Variants in TRIM21 observed in about 807,000 individuals in gnomAD.
TRIM21 encodes the protein tripartite motif containing 21.
A neutral mutation model predicts 36.1 loss-of-function variants in TRIM21; 35 were observed. The observed-to-expected ratio is 0.97, with a 90% confidence interval of 0.74 to 1.28. The LOEUF (loss-of-function observed/expected upper bound fraction) is 1.28. Ranked by LOEUF, TRIM21 falls within the 50% of genes most tolerant of loss-of-function variation. The pLI is 0.00. For missense variants in TRIM21, 635 were observed against 570.7 expected (o/e 1.11, Z -1.15); for synonymous variants, 256 against 211.5 (o/e 1.21, Z -1.83).
Position 4,385,609 on chromosome 11 carries a change from G to T in TRIM21, c.1104C>A (p.His368Gln), listed in dbSNP as rs752319529. 1.9e-6 allele frequency: 3 copies of T among 1,612,978 alleles called. No individual in the cohort carries two copies. The highest frequency in any genetic ancestry group is 2.5e-6 in the Non-Finnish European group (3 of 1,179,500). Residue 368 changes from histidine to glutamine, a missense_variant, in exon 7 of 7, where the codon CAC becomes CAA. By Grantham distance (24) the His-to-Gln change is conservative (BLOSUM62 0). Transcript: ENST00000254436. ...VCRDSVRRKG[H>Q]FLLSSKSGFW... Reference sequence around the variant, plus strand: ...AGCCACTCTTGGAACTAAGCAAAAAGTGCCCCTTCCTGCGCACAGAGTCTC... The same window carrying T: ...AGCCACTCTTGGAACTAAGCAAAAATTGCCCCTTCCTGCGCACAGAGTCTC...
intron 5 of TRIM21, 106 bp downstream of exon 5, chr11:4,386,862 C>G (rs1334798873): frequency 8.4e-7 from 1 of 1,186,324 alleles, no homozygotes; most frequent in Non-Finnish European, 1.2e-6. Flanking sequence ...AATAGGAAGC[C>G]AGATGGGGAA....
intron 1 of TRIM21, among the ~76,000 whole-genome samples, chr11:4,392,558 C>T (rs11824326): frequency 0.059 from 6,506 of 110,904 alleles, 497 homozygotes; most frequent in African/African-American, 0.22. Flanking sequence ...CACGGCGAGA[C>T]TCCCTCTCAA....
At position 4,386,861 on chromosome 11, in the gene TRIM21, C is replaced by A. The variant is rs773713686; in HGVS notation, c.758+107G>T. Reference sequence around the variant, plus strand: ...GAATGAAGTTTTTGAGAATAGGAAGCCAGATGGGGAAAACTTCAGTGCATG... The same window carrying A: ...GAATGAAGTTTTTGAGAATAGGAAGACAGATGGGGAAAACTTCAGTGCATG... On this transcript the variant is annotated intron_variant, in intron 5 of 6. Transcript: ENST00000254436. 13 of 1,168,988 alleles carry A rather than the reference C, an allele frequency of 1.1e-5. 1 individual carries two copies. Among genetic ancestry groups the A allele is most frequent in the South Asian group, 4.4e-5 (3 of 68,170 alleles). 72.4% of individuals were successfully genotyped at this position (1,168,988 alleles called of 1,614,324 possible). A position where few individuals can be genotyped will look rare whatever the true frequency, so the allele number is the denominator to read the frequency against.
At chr11:4,387,234 C>T (rs569773778) in intron 4 of TRIM21, among the ~76,000 whole-genome samples, 2 of 147,570 alleles carry the variant, frequency 1.4e-5, no homozygotes, top group South Asian at 4.3e-4. Context: ...AGTTTCAGGA[C>T]TCTGACTCAA....
Position 4,385,685 on chromosome 11 carries a change from T to G in TRIM21, c.1028A>C (p.Tyr343Ser). The G allele has an allele frequency of 6.2e-7, 1 of 1,613,390 alleles. No individual in the cohort carries two copies. Among genetic ancestry groups the G allele is most frequent in the Non-Finnish European group, 8.5e-7 (1 of 1,179,642 alleles). Reference protein sequence around the residue: ...GAQHFHSGKHYWEVDVTGKEA... With the variant: ...GAQHFHSGKHSWEVDVTGKEA... Reference sequence around the variant, plus strand: ...CTTTCCTGTCACATCTACCTCCCAGTAATGTTTTCCAGAGTGAAAGTGCTG... The same window carrying G: ...CTTTCCTGTCACATCTACCTCCCAGGAATGTTTTCCAGAGTGAAAGTGCTG... The change falls in exon 7 of 7, where the codon TAC (tyrosine) becomes TCC (serine). Residue 343 changes from tyrosine (Y) to serine (S), a missense_variant. Physicochemically the swap from Tyr to Ser is moderately radical, Grantham distance 144. Coordinates refer to ENST00000254436, the MANE Select transcript of TRIM21 (RefSeq NM_003141.4).
chr11:4,387,642 G>T (rs1250951274), intron 4 of TRIM21, among the ~76,000 whole-genome samples: 1 of 152,078 alleles, frequency 6.6e-6, no homozygotes, highest in Non-Finnish European at 1.5e-5. Flanking sequence ...GATCACCTAC[G>T]GTTGGGAGTT....
chr11:4,390,368 G>A lies in TRIM21; in HGVS notation c.42C>T (p.Val14=), dbSNP rs778239057. ...AARLTMMWEE[V]TCPICLDPFV... ...AGGGGTCCAGGCAGATAGGGCATGT[G>A]ACCTCCTCCCACATCATTGTCAAGC... Residue 14 remains valine (V), a synonymous_variant, in exon 2 of 7, where the codon GTC becomes GTT. Transcript: ENST00000254436. 1.9e-6 allele frequency: 3 copies of A among 1,613,024 alleles called. No individual in the cohort carries two copies. The highest frequency in any genetic ancestry group is 2.5e-6 in the Non-Finnish European group (3 of 1,179,216).
Position 4,390,115 on chromosome 11 carries a change from G to A in TRIM21, c.295C>T (p.Leu99Phe), listed in dbSNP as rs2094961234. The change falls in exon 2 of 7, where the codon CTT (leucine) becomes TTT (phenylalanine). Residue 99 changes from leucine (L) to phenylalanine (F), a missense_variant. Coordinates refer to ENST00000254436, the MANE Select transcript of TRIM21 (RefSeq NM_003141.4). ...GERCAVHGER[L>F]HLFCEKDGKA... The stretch of plus-strand genomic sequence containing the variant: ...CCATCTTTCTCACAGAACAGGTGAA[G>A]TCTCTCTCCATGCACTGCACACCGT... The A allele has an allele frequency of 6.2e-7, 1 of 1,613,998 alleles. No individual in the cohort carries two copies. Among genetic ancestry groups the A allele is most frequent in the East Asian group, 2.2e-5 (1 of 44,878 alleles).
In TRIM21 at chr11:4,386,959, C is replaced by T. The variant is rs1417599211; in HGVS notation, c.758+9G>A. The stretch of plus-strand genomic sequence containing the variant: ...GGCCCCTCTTCTAACAAAGAAAACT[C>T]CTCCTTACCTTTCCAGGACAATTAT... On this transcript the variant is annotated intron_variant, in intron 5 of 6. Coordinates refer to ENST00000254436, the MANE Select transcript of TRIM21 (RefSeq NM_003141.4). The T allele has an allele frequency of 3.2e-6, 5 of 1,583,114 alleles. No homozygotes were observed. Among genetic ancestry groups the T allele is most frequent in the Non-Finnish European group, 4.3e-6 (5 of 1,163,106 alleles).
rs781258544 is a variant in TRIM21, at chr11:4,389,782, G to A, written c.409-33C>T. 4 of 1,593,628 alleles carry A rather than the reference G, an allele frequency of 2.5e-6. No individual in the cohort carries two copies. The African/African-American group carries it at 4.0e-5, about 16-fold the overall frequency. On this transcript the variant is annotated intron_variant, in intron 2 of 6. Transcript: ENST00000254436. ...GAAAGACAGCTTATTCGTCCCCCAT[G>A]CAAACCAAGTAATAGGGTGGGGTAA...
At chr11:4,388,279 G>A (rs760201272) in intron 4 of TRIM21, 21 bp downstream of exon 4, 3 of 1,589,176 alleles carry the variant, frequency 1.9e-6, no homozygotes, top group Admixed American at 1.8e-5. Context: ...AATTGTAGAA[G>A]GAAACCCCTC....
Position 4,390,030 on chromosome 11 carries a change from G to A in TRIM21, c.380C>T (p.Pro127Leu). Residue 127 changes from proline to leucine, a missense_variant, in exon 2 of 7, where the codon CCT (proline) becomes CTT (leucine). Coordinates refer to ENST00000254436, the MANE Select transcript of TRIM21 (RefSeq NM_003141.4). ...GTACTCCTGTGCAGCCTCCTCAAGA[G>A]GGACCATGGCGTGGTCACGGTGTTT... The part of the protein sequence containing the change: ...SRKHRDHAMV[P>L]LEEAAQEYQE... The A allele has an allele frequency of 6.2e-7, 1 of 1,613,930 alleles. No individual in the cohort carries two copies.
At chr11:4,385,954 G>A in intron 6 of TRIM21, 101 bp from the exon 7 acceptor site, 2 of 1,254,672 alleles carry the variant, frequency 1.6e-6, no homozygotes, top group Non-Finnish European at 2.2e-6. Flanking sequence ...TAAGCATGAG[G>A]GGTGAACCTC....
chr11:4,385,423 G>T lies in TRIM21; in HGVS notation c.1290C>A (p.Ile430=). ...TAAAGGCACATTCAGAGAAGGAGTA[G>T]ATGAGGGAGCCATGGTCAGTGATGT... ...FYNITDHGSL[I]YSFSECAFTG... Residue 430 remains isoleucine, a synonymous_variant, in exon 7 of 7, where the codon ATC becomes ATA. Coordinates refer to ENST00000254436, the MANE Select transcript of TRIM21 (RefSeq NM_003141.4). 2 of 1,613,754 alleles carry T rather than the reference G, an allele frequency of 1.2e-6. No homozygotes were observed. Among genetic ancestry groups the T allele is most frequent in the Non-Finnish European group, 1.7e-6 (2 of 1,179,820 alleles).
At chr11:4,390,815 A>G (rs1433941140) in intron 1 of TRIM21, among the ~76,000 whole-genome samples, 3 of 152,228 alleles carry the variant, frequency 2.0e-5, no homozygotes, top group African/African-American at 7.2e-5. Context: ...CCAAGAACAT[A>G]CAGTGAGGAA....
rs543046690 is a variant in TRIM21, at chr11:4,387,432, C to T, written c.736-442G>A. 2.6e-5 allele frequency among the ~76,000 whole-genome samples: 4 copies of T among 152,236 alleles called. No homozygotes were observed. In the South Asian group the frequency reaches 6.2e-4, roughly 24 times the overall value. ...AAGGAAAGGTTGGTTAGTTAAAGCT[C>T]CCTTGGGTACTTAATGTTGCCTCTT... On this transcript the variant is annotated intron_variant, in intron 4 of 6. Coordinates refer to ENST00000254436, the MANE Select transcript of TRIM21 (RefSeq NM_003141.4).
chr11:4,390,604 AAGACTCAGAAT>A, intron 1 of TRIM21, 146 bp from the exon 2 acceptor site: 1 of 604,232 alleles, frequency 1.7e-6, no homozygotes, highest in South Asian at 2.5e-5. Flanking sequence ...GGAATCACAA[AAGACTCAGAAT>A]AGCCAAAGCT....
chr11:4,386,219 G>A lies in TRIM21; in HGVS notation c.797C>T (p.Ser266Phe), dbSNP rs774725359. ...ATGGCACACACTCCTGAGTTCTGGA[G>A]AGGTAATATCCAGGTCCTTCAGGTT... ...SWNLKDLDIT[S>F]PELRSVCHVP... The change falls in exon 6 of 7, where the codon TCT (serine) becomes TTT (phenylalanine). Residue 266 changes from serine to phenylalanine, a missense_variant. Transcript: ENST00000254436. The A allele has an allele frequency of 6.2e-7, 1 of 1,613,788 alleles. No individual in the cohort carries two copies. Among genetic ancestry groups the A allele is most frequent in the African/African-American group, 1.3e-5 (1 of 74,906 alleles).
At chr11:4,389,368 G>C (rs1308451140) in intron 3 of TRIM21, among the ~76,000 whole-genome samples, 2 of 152,166 alleles carry the variant, frequency 1.3e-5, no homozygotes, top group African/African-American at 4.8e-5. Context: ...ACACCTCTGA[G>C]ACTAGACTCA....
Sources: gnomAD v4.1 joint callset for allele counts (sites outside exome capture counted in the v4.1 genomes callset) on GRCh38, gnomAD v4.1.1 for gene constraint, MANE v1.5 for transcripts, NCBI Gene and HGNC (gene_info 2026-07-23, HGNC 2026-07-21) for gene names.